Variants in CEACAM20 observed in about 807,000 individuals in gnomAD.
CEACAM20 encodes the protein CEA cell adhesion molecule 20, also known as cell adhesion molecule CEACAM20.
In CEACAM20, 50 loss-of-function variants were observed where a neutral mutation model predicts 61.2. The observed-to-expected ratio is 0.82, with a 90% CI of 0.65 to 1.03. CEACAM20 has a LOEUF of 1.03. Among genes scored for constraint, CEACAM20 ranks in the 50% least tolerant of loss-of-function variants. The pLI is 0.00. For missense variants in CEACAM20, 683 were observed against 736.4 expected (o/e 0.93, Z 0.84); for synonymous variants, 282 against 287.7 (o/e 0.98, Z 0.20).
chr19:44,529,571 TAC>T lies in CEACAM20; in HGVS notation c.-64_-63del. ...TGTCGCCCCGGCTTGCACACACAGA[TAC>T]AGTCCTCACTCCAGGTGCAGCCCCT... On this transcript the variant is annotated 5_prime_UTR_variant, in exon 1 of 12. Transcript: ENST00000614924. 2 of 1,483,642 alleles carry T rather than the reference TAC, an allele frequency of 1.3e-6. No homozygotes were observed. Among genetic ancestry groups the T allele is most frequent in the Non-Finnish European group, 1.9e-6 (2 of 1,063,632 alleles). The allele number at this position is 1,483,642 out of a possible 1,614,324, so 91.9% of individuals were successfully genotyped here.
chr19:44,518,106 G>GAAA (rs201233423), intron 5 of CEACAM20, among the ~76,000 whole-genome samples: 40 of 34,942 alleles, frequency 1.1e-3, no homozygotes, highest in African/African-American at 3.7e-3. Context: ...AAGAAAGAAA[G>GAAA]GAAGGAAGGA....
At chr19:44,511,577 A>C (rs757147066) in intron 10 of CEACAM20, 60 bp downstream of exon 10, 119 of 1,513,788 alleles carry the variant, frequency 7.9e-5, no homozygotes, top group Non-Finnish European at 1.1e-5. Context: ...TCACATATAA[A>C]ATTTTCAGAT....
rs1234130871 is a variant in CEACAM20 at position 44,518,079 on chromosome 19, GAGGAAAGA to G, written c.1031-863_1031-856del. Among the ~76,000 whole-genome samples, 132 of 117,340 alleles carry G rather than the reference GAGGAAAGA, an allele frequency of 1.1e-3. 11 individuals carry two copies. Among genetic ancestry groups the G allele is most frequent in the African/African-American group, 4.3e-3 (97 of 22,818 alleles). The allele number at this position is 117,340 out of a possible 152,430, so 77.0% of individuals were successfully genotyped here. On this transcript the variant is annotated intron_variant, in intron 5 of 11. Coordinates refer to ENST00000614924, the MANE Select transcript of CEACAM20 (RefSeq NM_001102597.3). The stretch of plus-strand genomic sequence containing the variant: ...TGATAGAGTGAGACTCAAAAGGAAA[GAGGAAAGA>G]AAGAAAGAAAGAAAGAAAGGAAGGA...
At chr19:44,524,454 C>G (rs915443780) in intron 2 of CEACAM20, among the ~76,000 whole-genome samples, 193 bp from the exon 3 acceptor site, 1 of 152,180 alleles carries the variant, frequency 6.6e-6, no homozygotes, top group Non-Finnish European at 1.5e-5. Flanking sequence ...TACTTCCCCT[C>G]TCCAAGCCCC....
intron 11 of CEACAM20, among the ~76,000 whole-genome samples, chr19:44,510,604 GA>G (rs1970960133): frequency 1.4e-5 from 1 of 73,012 alleles, no homozygotes; most frequent in Admixed American, 1.6e-4. Flanking sequence ...AAGAAAGAAA[GA>G]AAGAAAAAGG....
Position 44,522,912 on chromosome 19 carries a change from T to C in CEACAM20, c.473A>G (p.Tyr158Cys), listed in dbSNP as rs1367362574. The C allele has an allele frequency of 1.9e-6, 3 of 1,598,908 alleles. No homozygotes were observed. The highest frequency in any genetic ancestry group is 2.3e-5 in the South Asian group (2 of 87,974). Residue 158 changes from tyrosine to cysteine, a missense_variant and splice_region_variant, in exon 4 of 12, where the codon TAT becomes TGT. By Grantham distance (194) the Tyr-to-Cys change is radical. Coordinates refer to ENST00000614924, the MANE Select transcript of CEACAM20 (RefSeq NM_001102597.3). ...TTTGATTTCAACAGGATCAGGACCA[T>C]CTGAGAGGACAGGAACAATTACAGC... is the stretch of plus-strand genomic sequence containing the variant. ...RSDPIFLDVK[Y>C]GPDPVEIKLE...
intron 4 of CEACAM20, 90 bp downstream of exon 4, chr19:44,522,544 C>A: frequency 2.2e-6 from 3 of 1,388,566 alleles, no homozygotes; most frequent in Non-Finnish European, 2.9e-6. Context: ...TATCCAAAGG[C>A]CCTGGATTAA....
At chr19:44,515,218 A>G (rs1347098632) in intron 6 of CEACAM20, among the ~76,000 whole-genome samples, 1 of 148,996 alleles carries the variant, frequency 6.7e-6, no homozygotes, top group Admixed American at 6.7e-5. Context: ...ATGCTTGACA[A>G]ATGATGATGA....
At chr19:44,511,258 C>A in intron 10 of CEACAM20, 103 bp from the exon 11 acceptor site, 1 of 1,457,690 alleles carries the variant, frequency 6.9e-7, no homozygotes, top group Non-Finnish European at 9.3e-7. Context: ...GGAATCTGTT[C>A]AGGTTCTTGC....
intron 11 of CEACAM20, among the ~76,000 whole-genome samples, chr19:44,508,398 T>C (rs1207461723): frequency 1.3e-5 from 2 of 152,192 alleles, no homozygotes; most frequent in Non-Finnish European, 2.9e-5. Context: ...TTTTTTATTT[T>C]TTTCTTTCTG....
At chr19:44,520,862 G>A (rs1159344933) in intron 4 of CEACAM20, 110 bp from the exon 5 acceptor site, 1 of 1,046,812 alleles carries the variant, frequency 9.6e-7, no homozygotes, top group Non-Finnish European at 1.4e-6. Context: ...GTGTGTGTGT[G>A]TGTGTGTTAC....
Position 44,520,635 on chromosome 19 carries a change from C to T in CEACAM20, c.869G>A (p.Ser290Asn). The T allele has an allele frequency of 1.2e-6, 2 of 1,614,022 alleles. No homozygotes were observed. Among genetic ancestry groups the T allele is most frequent in the African/African-American group, 1.3e-5 (1 of 75,046 alleles). The change falls in exon 5 of 12, where the codon AGT becomes AAT. Residue 290 changes from serine (S) to asparagine (N), a missense_variant. Coordinates refer to ENST00000614924, the MANE Select transcript of CEACAM20 (RefSeq NM_001102597.3). ...NQSVNVQWFL[S>N]GQPLLPSEHL... is the part of the protein sequence containing the mutation. ...CTCACTGGGCAGGAGGGGCTGGCCACTTAGGAACCACTGGACATTCACACT... is the reference window on the plus strand; with the variant it reads ...CTCACTGGGCAGGAGGGGCTGGCCATTTAGGAACCACTGGACATTCACACT...
At chr19:44,526,045 C>T (rs115766263) in intron 1 of CEACAM20, among the ~76,000 whole-genome samples, 2,080 of 152,306 alleles carry the variant, frequency 0.014, 49 homozygotes, top group African/African-American at 0.046. Context: ...ACTGTGCTCT[C>T]AACACTGTAA....
chr19:44,520,392 A>C (rs1971316810), intron 5 of CEACAM20, 82 bp downstream of exon 5: 1 of 1,518,936 alleles, frequency 6.6e-7, no homozygotes. Context: ...CAATAATCAT[A>C]GCATGAATGA....
In CEACAM20 at chr19:44,510,899, A is replaced by G. The variant is rs865838696; in HGVS notation, c.1737+131T>C. On this transcript the variant is annotated intron_variant, in intron 11 of 11. Transcript: ENST00000614924. Reference sequence around the variant, plus strand: ...AAATGACATGATGGAAATGGATAGGATGGAATTGAGAAGATTTTTAAAGGG... The same window carrying G: ...AAATGACATGATGGAAATGGATAGGGTGGAATTGAGAAGATTTTTAAAGGG... 8 of 1,035,274 alleles carry G rather than the reference A, an allele frequency of 7.7e-6. No homozygotes were observed. The African/African-American group carries it at 8.1e-5, about 11-fold the overall frequency. 64.1% of individuals were successfully genotyped at this position (1,035,274 alleles called of 1,614,324 possible).
rs1046680242 is a variant in CEACAM20, at chr19:44,520,470, T to C, written c.1030+4A>G. ...GGGGAAGGTCCAGGCCCTGGGTGAC[T>C]CACAGTTGATGGTCAGCTCAAGGGG... On this transcript the variant is annotated splice_donor_region_variant and intron_variant, in intron 5 of 11. Transcript: ENST00000614924. 9 of 1,610,706 alleles carry C rather than the reference T, an allele frequency of 5.6e-6. No homozygotes were observed. Among genetic ancestry groups the C allele is most frequent in the Non-Finnish European group, 6.8e-6 (8 of 1,178,294 alleles).
At chr19:44,510,582 AAG>A (rs1470602573) in intron 11 of CEACAM20, among the ~76,000 whole-genome samples, 4 of 49,636 alleles carry the variant, frequency 8.1e-5, no homozygotes, top group African/African-American at 4.2e-4. Context: ...GAAAGAAAGA[AAG>A]AAAGAAAGAA....
chr19:44,520,539 T>A lies in CEACAM20; in HGVS notation c.965A>T (p.Tyr322Phe). ...HGLQRNDTGP[Y>F]ACEVWNWGSR... ...GCCCCAGTTCCAGACCTCACAGGCA[T>A]AGGGCCCGGTGTCATTCCGCTGGAG... The change falls in exon 5 of 12, where the codon TAT (tyrosine) becomes TTT (phenylalanine). Residue 322 changes from tyrosine to phenylalanine, a missense_variant. Coordinates refer to ENST00000614924, the MANE Select transcript of CEACAM20 (RefSeq NM_001102597.3). 6.2e-7 allele frequency: 1 copy of A among 1,613,998 alleles called. No individual in the cohort carries two copies. Among genetic ancestry groups the A allele is most frequent in the Non-Finnish European group, 8.5e-7 (1 of 1,179,900 alleles).
chr19:44,510,611 A>AGAAAGAAAGAAAGAAAGAAAGGAAGG (rs71171251), intron 11 of CEACAM20, among the ~76,000 whole-genome samples: 4 of 72,382 alleles, frequency 5.5e-5, no homozygotes, highest in African/African-American at 2.6e-4. Context: ...AAAGAAAGAA[A>AGAAAGAAAGAAAGAAAGAAAGGAAGG]AAGGAAGGAA....
Sources: allele counts gnomAD v4.1 joint callset (sites outside exome capture counted in the v4.1 genomes callset), GRCh38; gene constraint gnomAD v4.1.1; transcripts MANE v1.5; gene names NCBI Gene and HGNC (gene_info 2026-07-23, HGNC 2026-07-21).